KIAA1217: variants seen among roughly 807,000 people sequenced by gnomAD.
The protein encoded by KIAA1217 is sickle tail protein homolog.
KIAA1217 carries 88 observed loss-of-function variants against 163.9 expected under a neutral mutation model. The observed-to-expected ratio is 0.54, with a 90% CI of 0.45 to 0.64. The LOEUF is 0.64. Among genes scored for constraint, KIAA1217 ranks in the 30% least tolerant of loss-of-function variants. The pLI is 0.00. For synonymous variants in KIAA1217, 903 were observed against 923.1 expected (o/e 0.98, Z 0.39); for missense variants, 2,372 against 2,475.0 (o/e 0.96, Z 0.88).
At chr10:24,049,341 G>A (rs1317732300) in intron 2 of KIAA1217, among the ~76,000 whole-genome samples, 1 of 152,094 alleles carries the variant, frequency 6.6e-6, no homozygotes, top group Non-Finnish European at 1.5e-5. Context: ...AACAGTCTCC[G>A]AGTTTTACAG....
At chr10:24,001,421 A>G (rs1846739618) in intron 1 of KIAA1217, among the ~76,000 whole-genome samples, 1 of 152,258 alleles carries the variant, frequency 6.6e-6, no homozygotes, top group African/African-American at 2.4e-5. Flanking sequence ...AGTGGATAAG[A>G]TAGAAAGTAA....
At chr10:24,022,692 C>G (rs1847785722) in intron 2 of KIAA1217, among the ~76,000 whole-genome samples, 1 of 151,340 alleles carries the variant, frequency 6.6e-6, no homozygotes, top group East Asian at 1.9e-4. Context: ...TCATGGTTGT[C>G]AAAATGTGGA....
chr10:24,485,625 A>C (rs74125423), intron 6 of KIAA1217, among the ~76,000 whole-genome samples: 5,020 of 152,268 alleles, frequency 0.033, 279 homozygotes, highest in African/African-American at 0.12. Flanking sequence ...CAGCATCTTG[A>C]GCTGTGCCTG....
chr10:24,453,138 C>A (rs951411269), intron 5 of KIAA1217, among the ~76,000 whole-genome samples: 2 of 152,142 alleles, frequency 1.3e-5, no homozygotes, highest in African/African-American at 4.8e-5. Context: ...CTCAAGTCAC[C>A]GTTCCCAAGA....
At chr10:24,003,692 G>A (rs148618541) in intron 1 of KIAA1217, among the ~76,000 whole-genome samples, 8 of 152,256 alleles carry the variant, frequency 5.3e-5, no homozygotes, top group East Asian at 1.9e-4. Flanking sequence ...CAAATACTGC[G>A]CTATCACAGG....
intron 2 of KIAA1217, among the ~76,000 whole-genome samples, chr10:24,048,222 A>G (rs565857488): frequency 3.9e-5 from 6 of 152,186 alleles, no homozygotes; most frequent in African/African-American, 1.4e-4. Flanking sequence ...ACATATCTAT[A>G]TGGGTCATTA....
chr10:23,853,074 G>T (rs551106712), intron 1 of KIAA1217, among the ~76,000 whole-genome samples: 1 of 152,300 alleles, frequency 6.6e-6, no homozygotes, highest in Admixed American at 6.5e-5. Flanking sequence ...GTGAGAGAGG[G>T]CATCCCTGTC....
intron 2 of KIAA1217, among the ~76,000 whole-genome samples, chr10:24,342,715 G>A (rs990497990): frequency 6.5e-5 from 9 of 137,970 alleles, no homozygotes; most frequent in Admixed American, 1.6e-4. Context: ...CTGGAGTACA[G>A]TGGCGCAATC....
At chr10:24,046,643 A>T (rs1368885850) in intron 2 of KIAA1217, among the ~76,000 whole-genome samples, 3 of 152,128 alleles carry the variant, frequency 2.0e-5, no homozygotes, top group African/African-American at 7.2e-5. Context: ...CACAAGAAAA[A>T]CAAGGGAGAA....
intron 1 of KIAA1217, among the ~76,000 whole-genome samples, chr10:23,984,512 C>T (rs1335201604): frequency 6.6e-6 from 1 of 151,960 alleles, no homozygotes; most frequent in Non-Finnish European, 1.5e-5. Context: ...TGGAACCAAC[C>T]CAAATGCCCA....
chr10:24,003,962 T>A (rs146284352), intron 1 of KIAA1217, among the ~76,000 whole-genome samples: 190 of 152,216 alleles, frequency 1.2e-3, no homozygotes, highest in African/African-American at 4.5e-3. Context: ...TCAGAGACCT[T>A]TTTTTATTTT....
intron 1 of KIAA1217, among the ~76,000 whole-genome samples, chr10:23,889,262 G>A (rs900370371): frequency 3.3e-5 from 5 of 151,766 alleles, no homozygotes; most frequent in African/African-American, 7.3e-5. Context: ...ACCATTTTAC[G>A]CTCCTACCTG....
intron 2 of KIAA1217, among the ~76,000 whole-genome samples, chr10:24,246,144 C>T (rs1001838412): frequency 1.3e-5 from 2 of 152,104 alleles, no homozygotes; most frequent in East Asian, 1.9e-4. Context: ...AAAGCAGCTC[C>T]GGTAAAGAGC....
Position 24,209,962 on chromosome 10 carries a change from G to A in KIAA1217, c.70+699G>A, listed in dbSNP as rs368840280. Among the ~76,000 whole-genome samples the A allele has an allele frequency of 2.6e-4, 40 of 152,270 alleles. No homozygotes were observed. In the East Asian group the frequency reaches 6.9e-3, roughly 26 times the overall value. On this transcript the variant is annotated intron_variant, in intron 1 of 20. Transcript: ENST00000376454. Reference sequence around the variant, plus strand: ...TGTTGTTCCAAAGAAATTTCGCACCGGGTTGGGTGGCCAGAGGAGGTCCCT... The same window carrying A: ...TGTTGTTCCAAAGAAATTTCGCACCAGGTTGGGTGGCCAGAGGAGGTCCCT...
At chr10:23,842,931 A>C (rs1838855978) in intron 1 of KIAA1217, among the ~76,000 whole-genome samples, 1 of 152,170 alleles carries the variant, frequency 6.6e-6, no homozygotes, top group South Asian at 2.1e-4. Context: ...AATTTCAAGA[A>C]ATGTTTATTT....
chr10:24,025,444 T>C (rs1847898963), intron 2 of KIAA1217, among the ~76,000 whole-genome samples: 1 of 151,782 alleles, frequency 6.6e-6, no homozygotes, highest in African/African-American at 2.4e-5. Context: ...TATGAAGAGT[T>C]AGCTCTTCCA....
chr10:23,789,015 G>T (rs1835616911), intron 1 of KIAA1217, among the ~76,000 whole-genome samples: 1 of 152,202 alleles, frequency 6.6e-6, no homozygotes, highest in Non-Finnish European at 1.5e-5. Flanking sequence ...ACTGGCATTT[G>T]CCAATAAAAG....
At chr10:23,873,033 A>G (rs749325706) in intron 1 of KIAA1217, among the ~76,000 whole-genome samples, 1 of 152,104 alleles carries the variant, frequency 6.6e-6, no homozygotes, top group African/African-American at 2.4e-5. Flanking sequence ...ATTTTGTTCA[A>G]TTAGAAATAT....
Position 24,103,659 on chromosome 10 carries a change from A to G in KIAA1217, c.-171+96285A>G, listed in dbSNP as rs554330787. The stretch of plus-strand genomic sequence containing the variant: ...CATATGAAAAGATGTTCTACATTTC[A>G]TTAGAGAAATGCAAATTAAAATGAT... On this transcript the variant is annotated intron_variant, in intron 2 of 18. Coordinates refer to the KIAA1217 transcript ENST00000376462. Among the ~76,000 whole-genome samples the G allele has an allele frequency of 2.6e-5, 4 of 152,224 alleles. No individual in the cohort carries two copies. The South Asian group carries it at 6.2e-4, about 24-fold the overall frequency.
Sources: gnomAD v4.1 joint callset for allele counts (sites outside exome capture counted in the v4.1 genomes callset) on GRCh38, gnomAD v4.1.1 for gene constraint, MANE v1.5 for transcripts, NCBI Gene and HGNC (gene_info 2026-07-23, HGNC 2026-07-21) for gene names.